The following SATB2 variants were observed in gnomAD, a reference collection of about 807,000 sequenced individuals.
SATB2 encodes SATB homeobox 2.
SATB2 carries 1 observed loss-of-function variant against 73.4 expected under a neutral mutation model. The ratio of observed to expected loss-of-function variants is 0.01; its 90% CI spans 0.00 to 0.06. The LOEUF (loss-of-function observed/expected upper bound fraction) is 0.06. Ranked by LOEUF, SATB2 falls within the 10% of genes least tolerant of loss-of-function variation. SATB2 has a pLI of 1.00. For synonymous variants in SATB2, 397 were observed against 367.0 expected (o/e 1.08, Z -0.93); for missense variants, 459 against 945.8 (o/e 0.49, Z 6.75).
intron 3 of SATB2, 29 bp from the exon 4 acceptor site, chr2:199,381,849 A>G (rs1689789038): frequency 6.2e-7 from 1 of 1,612,394 alleles, no homozygotes; most frequent in Non-Finnish European, 8.5e-7. Flanking sequence ...CATAATAAAC[A>G]CATATCTGCT....
intron 9 of SATB2, among the ~76,000 whole-genome samples, chr2:199,320,781 C>T (rs1464536239): frequency 2.0e-5 from 3 of 152,124 alleles, no homozygotes; most frequent in African/African-American, 7.2e-5. Context: ...CTAAAACTTT[C>T]CTCCCTCTTC....
At chr2:199,304,714 A>C (rs1687382348) in intron 10 of SATB2, among the ~76,000 whole-genome samples, 1 of 152,214 alleles carries the variant, frequency 6.6e-6, no homozygotes. Flanking sequence ...CAGATCCTGA[A>C]GAACTAGCTT....
At position 199,439,650 on chromosome 2, in the gene SATB2, A is replaced by G. The variant is rs184948888; in HGVS notation, c.170-6136T>C. On this transcript the variant is annotated intron_variant, in intron 2 of 10. Transcript: ENST00000417098. ...TTTCTTATTGTAAATTTACCAGAAA[A>G]TCAAAACAACGATTTACTTGTTCTA... Among the ~76,000 whole-genome samples, 62 of 152,308 alleles carry G rather than the reference A, an allele frequency of 4.1e-4. 1 individual carries two copies. The highest frequency in any genetic ancestry group is 1.4e-3 in the African/African-American group (58 of 41,560).
intron 10 of SATB2, among the ~76,000 whole-genome samples, chr2:199,275,892 T>C (rs923405620): frequency 2.0e-5 from 3 of 152,188 alleles, no homozygotes; most frequent in South Asian, 2.1e-4. Flanking sequence ...TTTTCTATTA[T>C]ACTGACACTT....
intron 9 of SATB2, among the ~76,000 whole-genome samples, chr2:199,322,436 T>C (rs1272982855): frequency 1.3e-5 from 2 of 152,224 alleles, no homozygotes; most frequent in African/African-American, 4.8e-5. Flanking sequence ...TGGGATTTTA[T>C]GCATTTAACA....
At chr2:199,337,270 G>C (rs1251840286) in intron 7 of SATB2, among the ~76,000 whole-genome samples, 1 of 152,046 alleles carries the variant, frequency 6.6e-6, no homozygotes, top group Non-Finnish European at 1.5e-5. Flanking sequence ...AATATTCTAG[G>C]TAACACTAAA....
intron 7 of SATB2, among the ~76,000 whole-genome samples, chr2:199,333,755 C>T (rs1249124989): frequency 6.6e-6 from 1 of 152,108 alleles, no homozygotes; most frequent in Non-Finnish European, 1.5e-5. Context: ...CTTTTTGTCA[C>T]CTGCAACAAA....
At chr2:199,389,860 T>C (rs1028922915) in intron 3 of SATB2, among the ~76,000 whole-genome samples, 2 of 152,150 alleles carry the variant, frequency 1.3e-5, no homozygotes, top group African/African-American at 4.8e-5. Context: ...TTTTTTAAGC[T>C]GACTACCCCC....
intron 3 of SATB2, among the ~76,000 whole-genome samples, chr2:199,414,299 G>C (rs893942960): frequency 4.6e-5 from 7 of 151,998 alleles, no homozygotes; most frequent in African/African-American, 1.7e-4. Context: ...TCCCTCTTTT[G>C]AATTTTCAAA....
At chr2:199,400,929 G>A (rs150230155) in intron 3 of SATB2, among the ~76,000 whole-genome samples, 21 of 152,134 alleles carry the variant, frequency 1.4e-4, no homozygotes, top group East Asian at 1.4e-3. Context: ...CAAATGAGTC[G>A]GTAAGAATTA....
At chr2:199,453,422 ACT>A (rs1270588642) in intron 2 of SATB2, among the ~76,000 whole-genome samples, 5 of 152,082 alleles carry the variant, frequency 3.3e-5, no homozygotes, top group Admixed American at 1.3e-4. Flanking sequence ...AGCTATAAAT[ACT>A]TGTGTAGTTA....
intron 3 of SATB2, among the ~76,000 whole-genome samples, chr2:199,429,666 T>C (rs1159987260): frequency 6.6e-6 from 1 of 152,184 alleles, no homozygotes; most frequent in Non-Finnish European, 1.5e-5. Flanking sequence ...TCCCAACACT[T>C]TGGGAGGCCG....
At chr2:199,344,255 A>AACAC (rs146892920) in intron 7 of SATB2, among the ~76,000 whole-genome samples, 1 of 150,484 alleles carries the variant, frequency 6.6e-6, no homozygotes. Flanking sequence ...ACACACACAC[A>AACAC]ACACACACAC....
intron 2 of SATB2, among the ~76,000 whole-genome samples, 198 bp from the exon 3 acceptor site, chr2:199,433,712 G>A (rs761525249): frequency 3.9e-5 from 6 of 152,026 alleles, no homozygotes; most frequent in Admixed American, 6.5e-5. Flanking sequence ...ATTGCCCAGG[G>A]CAGTGGCAGA....
At chr2:199,356,327 T>G (rs1010286451) in intron 6 of SATB2, among the ~76,000 whole-genome samples, 2 of 132,028 alleles carry the variant, frequency 1.5e-5, no homozygotes, top group Non-Finnish European at 3.4e-5. Flanking sequence ...ATTCTACAAA[T>G]GTAAAAAAGG....
chr2:199,420,929 G>C (rs1199252400), intron 3 of SATB2, among the ~76,000 whole-genome samples: 3 of 151,858 alleles, frequency 2.0e-5, no homozygotes, highest in Admixed American at 6.6e-5. Context: ...TATTTTAATA[G>C]ATAATTTGAG....
intron 10 of SATB2, among the ~76,000 whole-genome samples, chr2:199,274,979 G>A (rs539819350): frequency 4.2e-4 from 64 of 152,212 alleles, no homozygotes; most frequent in Non-Finnish European, 6.8e-4. Context: ...GGGGGAGAGA[G>A]AGACTGAAAT....
At chr2:199,297,338 T>C (rs551703293) in intron 10 of SATB2, among the ~76,000 whole-genome samples, 1 of 152,322 alleles carries the variant, frequency 6.6e-6, no homozygotes, top group South Asian at 2.1e-4. Flanking sequence ...ATGACACTAG[T>C]GTATGTAAGT....
intron 9 of SATB2, among the ~76,000 whole-genome samples, chr2:199,320,629 TC>T (rs968663098): frequency 6.6e-6 from 1 of 152,068 alleles, no homozygotes; most frequent in Non-Finnish European, 1.5e-5. Flanking sequence ...TACACACACT[TC>T]CCAGTAATGG....
Sources: gnomAD v4.1 joint callset for allele counts (sites outside exome capture counted in the v4.1 genomes callset) on GRCh38, gnomAD v4.1.1 for gene constraint, MANE v1.5 for transcripts, NCBI Gene and HGNC (gene_info 2026-07-23, HGNC 2026-07-21) for gene names.